ZNF740: variants seen among roughly 807,000 people sequenced by gnomAD.
The protein encoded by ZNF740 is oriLyt TD-element-binding protein 7.
ZNF740 carries 14 observed loss-of-function variants against 24.8 expected under a neutral mutation model. That is an observed-to-expected ratio of 0.56 (90% CI 0.37 to 0.88). The LOEUF is 0.88. Ranked by LOEUF, ZNF740 falls within the 40% of genes least tolerant of loss-of-function variation. ZNF740 has a pLI of 0.00. For synonymous variants in ZNF740, 69 were observed against 84.0 expected (o/e 0.82, Z 0.98); for missense variants, 201 against 247.9 (o/e 0.81, Z 1.27).
At chr12:53,181,212 G>T (rs1158944455) in intron 1 of ZNF740, 3 of 985,366 alleles carry the variant, frequency 3.0e-6, no homozygotes, top group East Asian at 1.1e-4. Flanking sequence ...CACCTCCGCA[G>T]CAAGTTTCCC....
Position 53,180,749 on chromosome 12 carries a change from C to T in ZNF740, c.-396C>T, listed in dbSNP as rs1013404438. ...AAACTTGCCTCGGTCCCGGTGGGGG[C>T]AGCCGCGGCGGTGGGGTTGGCAGGG... is the stretch of plus-strand genomic sequence containing the variant. On this transcript the variant is annotated 5_prime_UTR_variant, in exon 1 of 7. Transcript: ENST00000416904. 2.2e-5 allele frequency: 28 copies of T among 1,265,538 alleles called. No individual in the cohort carries two copies. The highest frequency in any genetic ancestry group is 1.7e-4 in the Admixed American group (7 of 41,268). The allele number at this position is 1,265,538 out of a possible 1,614,324, so 78.4% of individuals were successfully genotyped here. A position where few individuals can be genotyped will look rare whatever the true frequency, so the allele number is the denominator to read the frequency against.
rs1181708605 is a variant in ZNF740, at chr12:53,189,135, A to G, written c.*1545A>G. Reference sequence around the variant, plus strand: ...GGGTTTTTTTTTTTAAGATGAATTCAACAGCCTGGTGGTTAGGATGTTTCT... The same window carrying G: ...GGGTTTTTTTTTTTAAGATGAATTCGACAGCCTGGTGGTTAGGATGTTTCT... On this transcript the variant is annotated 3_prime_UTR_variant, in exon 7 of 7. Transcript: ENST00000416904. 1 of 151,988 alleles carries G rather than the reference A, an allele frequency of 6.6e-6. No individual in the cohort carries two copies. The highest frequency in any genetic ancestry group is 1.5e-5 in the Non-Finnish European group (1 of 67,994). 9.4% of individuals were successfully genotyped at this position (151,988 alleles called of 1,614,324 possible).
intron 3 of ZNF740, 88 bp downstream of exon 3, chr12:53,185,128 T>TTGA: frequency 6.3e-7 from 1 of 1,579,162 alleles, no homozygotes. Flanking sequence ...TCCTTGATGC[T>TTGA]TCCTCATAGG....
In ZNF740 at chr12:53,193,005, A is replaced by G; in HGVS notation, c.*5415A>G. The G allele has an allele frequency of 7.1e-7, 1 of 1,400,202 alleles. No individual in the cohort carries two copies. Among genetic ancestry groups the G allele is most frequent in the Non-Finnish European group, 9.9e-7 (1 of 1,005,258 alleles). 86.7% of individuals were successfully genotyped at this position (1,400,202 alleles called of 1,614,324 possible). On this transcript the variant is annotated 3_prime_UTR_variant, in exon 7 of 7. Coordinates refer to ENST00000416904, the MANE Select transcript of ZNF740 (RefSeq NM_001004304.4). ...AAGCCCACGCATCCAATCTTTTTGA[A>G]GTATGCCAACCACACCCTCTAACCC... is the stretch of plus-strand genomic sequence containing the variant.
intron 5 of ZNF740, 51 bp downstream of exon 5, chr12:53,186,128 T>C: frequency 6.3e-7 from 1 of 1,583,414 alleles, no homozygotes; most frequent in Non-Finnish European, 8.6e-7. Flanking sequence ...ATCGCTTGTA[T>C]TCCATGTCTG....
At position 53,193,039 on chromosome 12, in the gene ZNF740, G is replaced by A. The variant is rs149135939; in HGVS notation, c.*5449G>A. The A allele has an allele frequency of 5.6e-4, 766 of 1,374,812 alleles. 2 individuals are homozygous for A. In the African/African-American group the frequency reaches 9.9e-3, roughly 18 times the overall value. The allele number at this position is 1,374,812 out of a possible 1,614,324, so 85.2% of individuals were successfully genotyped here. ...ACCACACCCTCTAACCCATACACCGGAATCTTTTGATATTTGCCTTCCATG... is the reference window on the plus strand; with the variant it reads ...ACCACACCCTCTAACCCATACACCGAAATCTTTTGATATTTGCCTTCCATG... On this transcript the variant is annotated 3_prime_UTR_variant, in exon 7 of 7. Transcript: ENST00000416904.
rs1224379090 is a variant in ZNF740 at position 53,187,672 on chromosome 12, C to T, written c.*82C>T. 2.0e-5 allele frequency: 23 copies of T among 1,140,656 alleles called. No individual in the cohort carries two copies. The highest frequency in any genetic ancestry group is 2.7e-5 in the Non-Finnish European group (21 of 767,964). The allele number at this position is 1,140,656 out of a possible 1,614,324, so 70.7% of individuals were successfully genotyped here. The stretch of plus-strand genomic sequence containing the variant: ...CCCTCTGGTCTGATGGTCCCACCAC[C>T]GCCCCATGTGAACCTGTCCCACTCC... On this transcript the variant is annotated 3_prime_UTR_variant, in exon 7 of 7. Transcript: ENST00000416904.
rs772447440 is a variant in ZNF740 at position 53,193,299 on chromosome 12, G to A, written c.*5709G>A. 4 of 1,612,162 alleles carry A rather than the reference G, an allele frequency of 2.5e-6. No homozygotes were observed. The highest frequency in any genetic ancestry group is 1.3e-5 in the African/African-American group (1 of 74,996). The stretch of plus-strand genomic sequence containing the variant: ...TTGGGAGCCCGGCACCCAGATTCCA[G>A]GTCTGGGGAGGACAGCTCTGCCACA... On this transcript the variant is annotated 3_prime_UTR_variant, in exon 7 of 7. Transcript: ENST00000416904.
intron 2 of ZNF740, 90 bp from the exon 3 acceptor site, chr12:53,184,801 A>T (rs769792474): frequency 3.2e-4 from 457 of 1,438,022 alleles, no homozygotes; most frequent in Non-Finnish European, 4.2e-4. Context: ...AGTTTGTAGC[A>T]GGGTGTAAAA....
intron 2 of ZNF740, among the ~76,000 whole-genome samples, chr12:53,182,816 C>G (rs1433429708): frequency 6.6e-6 from 1 of 152,048 alleles, no homozygotes; most frequent in Non-Finnish European, 1.5e-5. Context: ...AGAGTGTAAC[C>G]CAAAGGCCTT....
rs1006471132 is a variant in ZNF740, at chr12:53,192,241, C to G, written c.*4651C>G. On this transcript the variant is annotated 3_prime_UTR_variant, in exon 7 of 7. Transcript: ENST00000416904. ...TTCACAGTTCTGCTTCAGCCCCCAGCCTGTTTCCCATTATCTTCACTCTGC... is the reference window on the plus strand; with the variant it reads ...TTCACAGTTCTGCTTCAGCCCCCAGGCTGTTTCCCATTATCTTCACTCTGC... 1 of 1,408,394 alleles carries G rather than the reference C, an allele frequency of 7.1e-7. No individual in the cohort carries two copies. Among genetic ancestry groups the G allele is most frequent in the African/African-American group, 1.4e-5 (1 of 70,956 alleles). 87.2% of individuals were successfully genotyped at this position (1,408,394 alleles called of 1,614,324 possible). A position where few individuals can be genotyped will look rare whatever the true frequency, so the allele number is the denominator to read the frequency against.
chr12:53,186,866 G>T, intron 6 of ZNF740: 1 of 197,672 alleles, frequency 5.1e-6, no homozygotes, highest in South Asian at 9.9e-5. Flanking sequence ...AGTTTCCCAG[G>T]GACACCGCAG....
In ZNF740 at chr12:53,186,196, A is replaced by G. The variant is rs1420716370; in HGVS notation, c.373+119A>G. On this transcript the variant is annotated intron_variant, in intron 5 of 6. Transcript: ENST00000416904. ...TAAGTATTAGAAATGAAGGAAGAAG[A>G]TAAGTCAATGAAGCAGAGAGATTGC... 2.9e-6 allele frequency: 4 copies of G among 1,364,162 alleles called. No individual in the cohort carries two copies. In the Admixed American group the frequency reaches 7.2e-5, roughly 25 times the overall value. The allele number at this position is 1,364,162 out of a possible 1,614,324, so 84.5% of individuals were successfully genotyped here. A position where few individuals can be genotyped will look rare whatever the true frequency, so the allele number is the denominator to read the frequency against.
chr12:53,181,237 CG>C (rs1298905965), intron 1 of ZNF740: 1 of 985,354 alleles, frequency 1.0e-6, no homozygotes. Flanking sequence ...TTCGGGCGGA[CG>C]GGGAGAACGC....
chr12:53,194,166 C>T lies in ZNF740; in HGVS notation c.*6576C>T. On this transcript the variant is annotated 3_prime_UTR_variant, in exon 7 of 7. Transcript: ENST00000416904. ...AATTTCCCACTCCCACCTCCCCCTGCCCGCCTTCTGCCTGTGCTTGCTGGC... is the reference window on the plus strand; with the variant it reads ...AATTTCCCACTCCCACCTCCCCCTGTCCGCCTTCTGCCTGTGCTTGCTGGC... 1 of 1,613,084 alleles carries T rather than the reference C, an allele frequency of 6.2e-7. No homozygotes were observed. Among genetic ancestry groups the T allele is most frequent in the Non-Finnish European group, 8.5e-7 (1 of 1,179,206 alleles).
chr12:53,186,309 A>C, intron 5 of ZNF740, 82 bp from the exon 6 acceptor site: 2 of 1,323,108 alleles, frequency 1.5e-6, no homozygotes, highest in Non-Finnish European at 2.1e-6. Context: ...CATTACTAAG[A>C]GTTAAAGTTT....
rs1287198904 is a variant in ZNF740 at position 53,194,405 on chromosome 12, T to C, written c.*6815T>C. 1.3e-6 allele frequency: 2 copies of C among 1,547,358 alleles called. No individual in the cohort carries two copies. The highest frequency in any genetic ancestry group is 1.8e-6 in the Non-Finnish European group (2 of 1,130,040). ...GCAGAAAAGGACTCCAACCCCACCT[T>C]ATGTCCTCTCCAGGTGTTCCCAATT... On this transcript the variant is annotated 3_prime_UTR_variant, in exon 7 of 7. Transcript: ENST00000416904.
intron 2 of ZNF740, among the ~76,000 whole-genome samples, chr12:53,184,144 T>TGCGCGC (rs1050110810): frequency 4.8e-5 from 5 of 105,150 alleles, no homozygotes; most frequent in African/African-American, 1.5e-4. Flanking sequence ...TGTGTGTGTG[T>TGCGCGC]GTGTGTGCGC....
intron 1 of ZNF740, chr12:53,181,265 C>T (rs1238534755): frequency 1.0e-6 from 1 of 985,322 alleles, no homozygotes; most frequent in Non-Finnish European, 1.2e-6. Flanking sequence ...GTGGGCACTG[C>T]CAGTCCCGTT....
Sources: gnomAD v4.1 joint callset for allele counts (sites outside exome capture counted in the v4.1 genomes callset) on GRCh38, gnomAD v4.1.1 for gene constraint, MANE v1.5 for transcripts, NCBI Gene and HGNC (gene_info 2026-07-23, HGNC 2026-07-21) for gene names.